Variants in TAFA5 observed in about 807,000 individuals in gnomAD.
The protein encoded by TAFA5 is TAFA chemokine like family member 5.
Under a neutral mutation model 15.3 loss-of-function variants are expected in TAFA5, and 6 were observed. The observed-to-expected ratio is 0.39, with a 90% CI of 0.21 to 0.77. The LOEUF is 0.77. Ranked by LOEUF, TAFA5 falls within the 30% of genes least tolerant of loss-of-function variation. The pLI is 0.41. For synonymous variants in TAFA5, 103 were observed against 80.7 expected (o/e 1.28, Z -1.48); for missense variants, 161 against 193.1 (o/e 0.83, Z 0.98).
intron 3 of TAFA5, among the ~76,000 whole-genome samples, chr22:48,732,117 T>C (rs996427420): frequency 6.6e-6 from 1 of 152,184 alleles, no homozygotes; most frequent in South Asian, 2.1e-4. Context: ...TCACTGCAGA[T>C]GTGATGGAAG....
chr22:48,637,650 G>A (rs576028854), intron 1 of TAFA5, among the ~76,000 whole-genome samples: 3 of 152,128 alleles, frequency 2.0e-5, no homozygotes, highest in South Asian at 2.1e-4. Context: ...CCGCACCCTC[G>A]CTCAGGTGTG....
chr22:48,710,673 C>T (rs1344070827), intron 3 of TAFA5, among the ~76,000 whole-genome samples: 1 of 152,188 alleles, frequency 6.6e-6, no homozygotes, highest in Non-Finnish European at 1.5e-5. Context: ...GGCAGTGAGC[C>T]CCCCTTATTC....
chr22:48,500,574 G>A (rs761762437), intron 1 of TAFA5, among the ~76,000 whole-genome samples: 2 of 152,240 alleles, frequency 1.3e-5, no homozygotes, highest in South Asian at 2.1e-4. Flanking sequence ...CGCCGGGCCC[G>A]CAGGCGGGCT....
chr22:48,696,861 C>T (rs1928728821), intron 2 of TAFA5, among the ~76,000 whole-genome samples: 2 of 152,256 alleles, frequency 1.3e-5, no homozygotes, highest in African/African-American at 2.4e-5. Flanking sequence ...CAGCACAGCA[C>T]AGTCGCGCAA....
chr22:48,633,965 AG>A (rs1926341383), intron 1 of TAFA5, among the ~76,000 whole-genome samples: 1 of 152,156 alleles, frequency 6.6e-6, no homozygotes, highest in South Asian at 2.1e-4. Context: ...CACGCTTTCC[AG>A]GGGGCAGCTT....
At chr22:48,608,878 C>A (rs1322386266) in intron 1 of TAFA5, among the ~76,000 whole-genome samples, 1 of 152,260 alleles carries the variant, frequency 6.6e-6, no homozygotes, top group African/African-American at 2.4e-5. Context: ...GCTAACACCC[C>A]AGGTTTGCAG....
At chr22:48,576,565 A>G in intron 1 of TAFA5, 1 of 1,498,664 alleles carries the variant, frequency 6.7e-7, no homozygotes, top group South Asian at 1.3e-5. Flanking sequence ...GCAGTTCCTC[A>G]AAGAAGGTAA....
intron 2 of TAFA5, among the ~76,000 whole-genome samples, chr22:48,681,604 TTGTG>T: frequency 6.7e-6 from 1 of 148,782 alleles, no homozygotes; most frequent in South Asian, 2.1e-4. Context: ...TGAGCCGAGA[TTGTG>T]CCACTGCACT....
At position 48,531,636 on chromosome 22, in the gene TAFA5, C is replaced by T. The variant is rs1446852910; in HGVS notation, c.112+41932C>T. On this transcript the variant is annotated intron_variant, in intron 1 of 3. Coordinates refer to ENST00000402357, the MANE Select transcript of TAFA5 (RefSeq NM_001082967.3). ...ACTCTAGCCTGGACCCTCCCTTCCT[C>T]GCCTGCAGGAGAAATGCCTTTAGAC... Among the ~76,000 whole-genome samples the T allele has an allele frequency of 3.9e-5, 6 of 152,188 alleles. No homozygotes were observed. The South Asian group carries it at 1.2e-3, about 32-fold the overall frequency.
At chr22:48,676,677 C>CAGCCAGTGTGGACT (rs1370202036) in intron 2 of TAFA5, among the ~76,000 whole-genome samples, 5 of 152,248 alleles carry the variant, frequency 3.3e-5, no homozygotes, top group African/African-American at 1.2e-4. Flanking sequence ...ACCCTCTCCC[C>CAGCCAGTGTGGACT]AGCCAGTGTG....
intron 1 of TAFA5, among the ~76,000 whole-genome samples, chr22:48,632,562 CAA>C (rs1385202563): frequency 1.3e-5 from 2 of 151,498 alleles, no homozygotes; most frequent in East Asian, 1.9e-4. Flanking sequence ...TAGGGTGAAA[CAA>C]GACGCACAGA....
intron 1 of TAFA5, among the ~76,000 whole-genome samples, chr22:48,614,989 G>A (rs1925545542): frequency 6.6e-6 from 1 of 152,134 alleles, no homozygotes. Flanking sequence ...AGAACTCAGC[G>A]CTACCTGGGG....
intron 2 of TAFA5, among the ~76,000 whole-genome samples, chr22:48,660,569 T>A (rs1371455664): frequency 2.6e-5 from 4 of 152,214 alleles, no homozygotes; most frequent in African/African-American, 9.6e-5. Context: ...AGCCGCAAAA[T>A]GCTGTGGCGT....
Position 48,592,453 on chromosome 22 carries a change from G to A in TAFA5, c.113-54144G>A, listed in dbSNP as rs114466693. Among the ~76,000 whole-genome samples, 334 of 152,370 alleles carry A rather than the reference G, an allele frequency of 2.2e-3. 1 individual carries two copies. Among genetic ancestry groups the A allele is most frequent in the African/African-American group, 7.4e-3 (306 of 41,602 alleles). On this transcript the variant is annotated intron_variant, in intron 1 of 3. Coordinates refer to ENST00000402357, the MANE Select transcript of TAFA5 (RefSeq NM_001082967.3). ...GCCACTACAGGCAGGGGCTTGGGAC[G>A]TTGCACTCAGCTCTCTGCTGTCCTT... is the stretch of plus-strand genomic sequence containing the variant.
chr22:48,608,980 G>A (rs1328930367), intron 1 of TAFA5, among the ~76,000 whole-genome samples: 5 of 152,350 alleles, frequency 3.3e-5, no homozygotes, highest in East Asian at 1.9e-4. Context: ...GAGGAGTGGC[G>A]TGGGCAGGTG....
At chr22:48,555,008 T>C (rs900221664) in intron 1 of TAFA5, among the ~76,000 whole-genome samples, 13 of 152,096 alleles carry the variant, frequency 8.5e-5, no homozygotes. Context: ...GGCTCTGAGA[T>C]CTCCGATGGT....
At chr22:48,651,064 A>G (rs1927038261) in intron 2 of TAFA5, among the ~76,000 whole-genome samples, 1 of 152,262 alleles carries the variant, frequency 6.6e-6, no homozygotes, top group South Asian at 2.1e-4. Flanking sequence ...GCCTCGCTGA[A>G]GCAAGGTCTT....
chr22:48,588,296 G>A (rs1201025264), intron 1 of TAFA5, among the ~76,000 whole-genome samples: 1 of 152,222 alleles, frequency 6.6e-6, no homozygotes, highest in Admixed American at 6.5e-5. Flanking sequence ...CAGAGGGTGT[G>A]ATCCTTGCAT....
intron 2 of TAFA5, among the ~76,000 whole-genome samples, chr22:48,701,503 T>C (rs942070559): frequency 3.3e-5 from 5 of 152,088 alleles, no homozygotes; most frequent in Admixed American, 1.3e-4. Flanking sequence ...AGGGTAAACT[T>C]TCCTCCCAGG....
Sources: gnomAD v4.1 joint callset for allele counts (sites outside exome capture counted in the v4.1 genomes callset) on GRCh38, gnomAD v4.1.1 for gene constraint, MANE v1.5 for transcripts, NCBI Gene and HGNC (gene_info 2026-07-23, HGNC 2026-07-21) for gene names.